The following BANP variants were observed in gnomAD, a reference collection of about 807,000 sequenced individuals.
BANP encodes the protein BTG3 associated nuclear protein.
In BANP, 11 loss-of-function variants were observed where a neutral mutation model predicts 68.1. That is an observed-to-expected ratio of 0.16 (90% CI 0.10 to 0.27). BANP has a LOEUF of 0.27. Ranked by LOEUF, BANP falls within the 10% of genes least tolerant of loss-of-function variation. The probability of loss-of-function intolerance (pLI) is 1.00; values close to 1 mark genes in which losing one functional copy is unlikely to be tolerated. For synonymous variants in BANP, 329 were observed against 303.2 expected (o/e 1.09, Z -0.88); for missense variants, 504 against 722.7 (o/e 0.70, Z 3.47).
At chr16:87,950,022 C>T (rs574612758), upstream of BANP, among the ~76,000 whole-genome samples, 12 of 152,026 alleles carry the variant, frequency 7.9e-5, no homozygotes, top group African/African-American at 1.9e-4. Context: ...GGACTACAGG[C>T]GCCTGCCACC....
intron 13 of BANP, among the ~76,000 whole-genome samples, chr16:88,073,644 G>A (rs867292669): frequency 3.3e-5 from 5 of 152,188 alleles, no homozygotes; most frequent in African/African-American, 9.7e-5. Context: ...ACAGTCAGGC[G>A]TGGCTGCCTC....
intron 11 of BANP, among the ~76,000 whole-genome samples, chr16:88,056,351 T>A (rs554369225): frequency 2.0e-5 from 3 of 152,360 alleles, no homozygotes; most frequent in African/African-American, 4.8e-5. Flanking sequence ...TTTTGTCCCA[T>A]TGAATTTCTT....
Position 87,998,839 on chromosome 16 carries a change from C to T in BANP, c.363-5456C>T, listed in dbSNP as rs1225069508. Reference sequence around the variant, plus strand: ...ACACGTCTCCGTGCCCGCACGTGCGCGGCTGTACTTACCTGTCCTTCCAGA... The same window carrying T: ...ACACGTCTCCGTGCCCGCACGTGCGTGGCTGTACTTACCTGTCCTTCCAGA... On this transcript the variant is annotated intron_variant, in intron 4 of 13. Coordinates refer to ENST00000682872, the MANE Select transcript of BANP (RefSeq NM_001386991.1). 3.3e-4 allele frequency among the ~76,000 whole-genome samples: 47 copies of T among 140,340 alleles called. No homozygotes were observed. In the East Asian group the frequency reaches 9.1e-3, roughly 27 times the overall value. The allele number at this position is 140,340 out of a possible 152,430, so 92.1% of individuals were successfully genotyped here. A position where few individuals can be genotyped will look rare whatever the true frequency, so the allele number is the denominator to read the frequency against.
chr16:88,070,669 A>T (rs1226038792), intron 12 of BANP, among the ~76,000 whole-genome samples: 1 of 152,148 alleles, frequency 6.6e-6, no homozygotes, highest in Non-Finnish European at 1.5e-5. Flanking sequence ...GGGTCATGAC[A>T]GGCCAGCACG....
chr16:87,957,662 A>C lies in BANP; in HGVS notation c.-69+6147A>C, dbSNP rs1193466921. On this transcript the variant is annotated intron_variant, in intron 1 of 13. Coordinates refer to ENST00000682872, the MANE Select transcript of BANP (RefSeq NM_001386991.1). This position sits in a 1 kb window ranked among gnomAD's most constrained non-coding sequence, Gnocchi z 4.3. Reference sequence around the variant, plus strand: ...CATCAAATATCTGGAAGCAAAGCTTAATCTTTCTGAAAGTAGAAACGCGTT... The same window carrying C: ...CATCAAATATCTGGAAGCAAAGCTTCATCTTTCTGAAAGTAGAAACGCGTT... 6.6e-6 allele frequency among the ~76,000 whole-genome samples: 1 copy of C among 152,272 alleles called. No homozygotes were observed. Among genetic ancestry groups the C allele is most frequent in the Non-Finnish European group, 1.5e-5 (1 of 68,054 alleles).
chr16:87,986,925 G>A (rs1045735154), intron 4 of BANP, among the ~76,000 whole-genome samples: 1 of 151,658 alleles, frequency 6.6e-6, no homozygotes, highest in Non-Finnish European at 1.5e-5. Flanking sequence ...ATCAGCATGG[G>A]GATTATTAAT....
At position 88,057,637 on chromosome 16, in the gene BANP, T is replaced by C. The variant is rs1251197140; in HGVS notation, c.1312-7630T>C. ...AATTGGAAGAATGTTCTTCACACCC[T>C]TCATGTTGGCAATGTTTGGGTCCTG... On this transcript the variant is annotated intron_variant, in intron 11 of 13. Coordinates refer to ENST00000682872, the MANE Select transcript of BANP (RefSeq NM_001386991.1). The surrounding 1 kb of genome is among the most constrained non-coding windows in gnomAD (Gnocchi z 4.6). Among the ~76,000 whole-genome samples the C allele has an allele frequency of 6.6e-6, 1 of 151,428 alleles. No homozygotes were observed. The highest frequency in any genetic ancestry group is 2.0e-4 in the East Asian group (1 of 5,128).
chr16:87,999,263 T>TCCAGACAC (rs1484972936), intron 4 of BANP, among the ~76,000 whole-genome samples: 4 of 130,200 alleles, frequency 3.1e-5, no homozygotes, highest in Admixed American at 7.6e-5. Context: ...TACCTGTCCT[T>TCCAGACAC]CCAGACACGT....
intron 11 of BANP, among the ~76,000 whole-genome samples, chr16:88,048,817 G>A (rs1260876469): frequency 6.6e-6 from 1 of 152,102 alleles, no homozygotes; most frequent in Admixed American, 6.6e-5. Flanking sequence ...ACAGATTAAA[G>A]AAAGGACATC....
At chr16:88,019,020 T>C (rs2075254137) in intron 7 of BANP, among the ~76,000 whole-genome samples, 1 of 79,920 alleles carries the variant, frequency 1.3e-5, no homozygotes, top group Non-Finnish European at 3.9e-5. Context: ...CTGGCCACGC[T>C]GACCCAGGCC....
At chr16:88,032,283 C>T (rs2078355947) in intron 8 of BANP, among the ~76,000 whole-genome samples, 1 of 152,038 alleles carries the variant, frequency 6.6e-6, no homozygotes, top group Non-Finnish European at 1.5e-5. Flanking sequence ...CTCATTACAA[C>T]CTCCGCCTCC....
chr16:88,076,797 G>T lies in BANP; in HGVS notation c.*136G>T, dbSNP rs940271188. ...AGTGCGTCTGAAGGCCGCTGCCTCCGCGGGGAACAGCATCCTATCAACTGA... is the reference window on the plus strand; with the variant it reads ...AGTGCGTCTGAAGGCCGCTGCCTCCTCGGGGAACAGCATCCTATCAACTGA... On this transcript the variant is annotated 3_prime_UTR_variant, in exon 14 of 14. Coordinates refer to ENST00000682872, the MANE Select transcript of BANP (RefSeq NM_001386991.1). The T allele has an allele frequency of 4.4e-6, 3 of 688,846 alleles. No homozygotes were observed. The highest frequency in any genetic ancestry group is 7.1e-6 in the Non-Finnish European group (3 of 422,946). 42.7% of individuals were successfully genotyped at this position (688,846 alleles called of 1,614,324 possible). A position where few individuals can be genotyped will look rare whatever the true frequency, so the allele number is the denominator to read the frequency against.
At chr16:87,992,179 A>T (rs2066026782) in intron 4 of BANP, among the ~76,000 whole-genome samples, 1 of 152,240 alleles carries the variant, frequency 6.6e-6, no homozygotes, top group Non-Finnish European at 1.5e-5. Context: ...TCGAATGCTA[A>T]CCGAACCTTG....
chr16:87,961,601 C>T (rs1158524270), intron 1 of BANP, among the ~76,000 whole-genome samples: 1 of 152,026 alleles, frequency 6.6e-6, no homozygotes, highest in Non-Finnish European at 1.5e-5. Flanking sequence ...ACAATATTAT[C>T]CCTCTTCTCA....
At chr16:87,979,858 G>C (rs1206520057) in intron 2 of BANP, among the ~76,000 whole-genome samples, 1 of 152,100 alleles carries the variant, frequency 6.6e-6, no homozygotes, top group Non-Finnish European at 1.5e-5. Context: ...CCAGCTACTT[G>C]GGCTGAGGTG....
chr16:88,053,064 C>A (rs559674025), intron 11 of BANP, among the ~76,000 whole-genome samples: 52 of 123,514 alleles, frequency 4.2e-4, no homozygotes, highest in African/African-American at 1.3e-3. Context: ...CCCCTGTCAT[C>A]TCCATCATTA....
intron 1 of BANP, among the ~76,000 whole-genome samples, chr16:87,968,370 G>A (rs1184265915): frequency 6.6e-6 from 1 of 151,600 alleles, no homozygotes; most frequent in Non-Finnish European, 1.5e-5. Context: ...TGTAGTCTTA[G>A]CTACTCAGGA....
intron 11 of BANP, among the ~76,000 whole-genome samples, chr16:88,050,730 C>T (rs1236579635): frequency 1.3e-5 from 2 of 151,986 alleles, no homozygotes; most frequent in Non-Finnish European, 2.9e-5. Flanking sequence ...ACTCTGTTGT[C>T]GAGGCTGGAG....
chr16:88,045,255 T>C (rs143618100), intron 11 of BANP, among the ~76,000 whole-genome samples: 2,487 of 152,352 alleles, frequency 0.016, 77 homozygotes, highest in African/African-American at 0.057. Flanking sequence ...GTTTTTGGCA[T>C]GGCTGGCCTT....
Sources: allele counts gnomAD v4.1 joint callset (sites outside exome capture counted in the v4.1 genomes callset), GRCh38; gene constraint gnomAD v4.1.1; non-coding constraint Gnocchi (gnomAD v3.1); transcripts MANE v1.5; gene names NCBI Gene and HGNC (gene_info 2026-07-23, HGNC 2026-07-21).